DNMT3A: variants seen among roughly 807,000 people sequenced by gnomAD.
DNMT3A encodes the protein DNA (cytosine-5)-methyltransferase 3A.
In DNMT3A, 267 loss-of-function variants were observed where a neutral mutation model predicts 117.6. The observed-to-expected ratio is 2.27, with a 90% CI of 2.05 to 2.51. The LOEUF (loss-of-function observed/expected upper bound fraction) is 2.51. Ranked by LOEUF, DNMT3A falls within the 30% of genes most tolerant of loss-of-function variation. The probability of loss-of-function intolerance (pLI) is 0.00; values close to 1 mark genes in which losing one functional copy is unlikely to be tolerated. For missense variants in DNMT3A, 1,029 were observed against 1,260.2 expected (o/e 0.82, Z 2.78); for synonymous variants, 432 against 474.8 (o/e 0.91, Z 1.17).
rs1274694804 is a variant in DNMT3A at position 25,337,420 on chromosome 2, G to C, written c.-178+4406C>G. On this transcript the variant is annotated intron_variant, in intron 1 of 22. Transcript: ENST00000321117. The surrounding 1 kb of genome is among the most constrained non-coding windows in gnomAD (Gnocchi z 5.0). ...GCTCCTCTAAGGCTGTAACGCACAT[G>C]ATCTCACTCCATCCTCACAACCACC... 6.6e-6 allele frequency among the ~76,000 whole-genome samples: 1 copy of C among 152,298 alleles called. No individual in the cohort carries two copies. The highest frequency in any genetic ancestry group is 2.1e-4 in the South Asian group (1 of 4,824).
chr2:25,341,369 TGGCCGCGGGCTCCAGGCGG>T (rs1476628526), intron 1 of DNMT3A, among the ~76,000 whole-genome samples: 1 of 143,414 alleles, frequency 7.0e-6, no homozygotes, highest in African/African-American at 2.5e-5. Context: ...TCCGGCGCCC[TGGCCGCGGGCTCCAGGCGG>T]GGCCGCGGGG....
At chr2:25,326,625 T>C (rs992430802) in intron 1 of DNMT3A, among the ~76,000 whole-genome samples, 1 of 152,218 alleles carries the variant, frequency 6.6e-6, no homozygotes, top group Non-Finnish European at 1.5e-5. Context: ...CAGTGTGCTC[T>C]TGTTGGGTTC....
rs2033341400 is a variant in DNMT3A at position 25,300,089 on chromosome 2, C to CGTGTGTGTT, written c.177+41_177+49dup. 9 of 1,584,326 alleles carry CGTGTGTGTT rather than the reference C, an allele frequency of 5.7e-6. No homozygotes were observed. The South Asian group carries it at 1.0e-4, about 18-fold the overall frequency. ...ATCACTGCCATCGACAGGCCAGGCA[C>CGTGTGTGTT]GTGTGTGTTGTGTGTGTGCACAGGA... On this transcript the variant is annotated intron_variant, in intron 3 of 22. Coordinates refer to ENST00000321117, the MANE Select transcript of DNMT3A (RefSeq NM_022552.5).
At chr2:25,312,369 C>T (rs968029869) in intron 2 of DNMT3A, among the ~76,000 whole-genome samples, 2 of 152,244 alleles carry the variant, frequency 1.3e-5, no homozygotes, top group Non-Finnish European at 2.9e-5. Context: ...CCTGATCGGT[C>T]GCCCCGGGCG....
At chr2:25,328,698 G>A (rs1187681352) in intron 1 of DNMT3A, 13 of 518,510 alleles carry the variant, frequency 2.5e-5, no homozygotes, top group Admixed American at 2.1e-4. Context: ...GTGCTGCGGT[G>A]CCTAGAGCGA....
chr2:25,270,311 C>T lies in DNMT3A; in HGVS notation c.639+4630G>A, dbSNP rs893528554. On this transcript the variant is annotated intron_variant, in intron 6 of 22. Coordinates refer to ENST00000321117, the MANE Select transcript of DNMT3A (RefSeq NM_022552.5). ...TGCGTAGATGACCCCAGGCAGCATT[C>T]GTCTACGCCCCATTCAGGGCAGCTC... Among the ~76,000 whole-genome samples, 41 of 152,294 alleles carry T rather than the reference C, an allele frequency of 2.7e-4. 1 individual carries two copies. The highest frequency in any genetic ancestry group is 7.2e-4 in the African/African-American group (30 of 41,562).
At chr2:25,249,603 AT>A in intron 6 of DNMT3A, 1 of 1,609,444 alleles carries the variant, frequency 6.2e-7, no homozygotes, top group Non-Finnish European at 8.5e-7. Context: ...CCACCAACAA[AT>A]TAATAAGCCA....
rs777807608 is a variant in DNMT3A, at chr2:25,247,541, G to A, written c.1014+50C>T. 1.9e-6 allele frequency: 3 copies of A among 1,596,778 alleles called. No individual in the cohort carries two copies. The highest frequency in any genetic ancestry group is 2.6e-6 in the Non-Finnish European group (3 of 1,169,806). ...CCCCAGCCAAAACCACAGGCCCTGG[G>A]ATCAAGAACCTTCCCCCACCCCAGG... On this transcript the variant is annotated intron_variant, in intron 8 of 22. Coordinates refer to ENST00000321117, the MANE Select transcript of DNMT3A (RefSeq NM_022552.5). The surrounding 1 kb of genome is among the most constrained non-coding windows in gnomAD (Gnocchi z 5.6).
At chr2:25,328,582 TC>T (rs1230008609) in intron 1 of DNMT3A, 6 of 465,332 alleles carry the variant, frequency 1.3e-5, no homozygotes, top group Admixed American at 2.4e-5. Flanking sequence ...TTGCTGCCCG[TC>T]CCCCCCGCCC....
intron 20 of DNMT3A, among the ~76,000 whole-genome samples, chr2:25,238,470 G>C (rs905527924): frequency 2.0e-5 from 3 of 152,118 alleles, no homozygotes; most frequent in African/African-American, 7.2e-5. Context: ...CTCCACAATG[G>C]ACAGGGACTG....
rs1391622101 is a variant in DNMT3A, at chr2:25,304,166, A to G, written c.73-3923T>C. The stretch of plus-strand genomic sequence containing the variant: ...CGTCCACACTTCCAGCGCAGAGGGG[A>G]GGGGGTGGAAATTCCAGACACGTAG... On this transcript the variant is annotated intron_variant, in intron 2 of 22. Coordinates refer to ENST00000321117, the MANE Select transcript of DNMT3A (RefSeq NM_022552.5). This position sits in a 1 kb window ranked among gnomAD's most constrained non-coding sequence, Gnocchi z 4.3. Among the ~76,000 whole-genome samples the G allele has an allele frequency of 6.6e-6, 1 of 151,442 alleles. No homozygotes were observed. Among genetic ancestry groups the G allele is most frequent in the African/African-American group, 2.4e-5 (1 of 41,266 alleles).
At chr2:25,300,731 A>T (rs1232374929) in intron 2 of DNMT3A, among the ~76,000 whole-genome samples, 1 of 31,766 alleles carries the variant, frequency 3.1e-5, no homozygotes, top group African/African-American at 1.3e-4. Flanking sequence ...ATATATATAT[A>T]TATATATATA....
intron 2 of DNMT3A, among the ~76,000 whole-genome samples, chr2:25,310,710 A>G (rs765982152): frequency 1.3e-5 from 2 of 152,202 alleles, no homozygotes; most frequent in African/African-American, 2.4e-5. Flanking sequence ...GGGGATTCAC[A>G]TGGAAGAAAA....
At chr2:25,241,490 G>A (rs940690826) in intron 17 of DNMT3A, 72 bp downstream of exon 17, 1 of 1,535,230 alleles carries the variant, frequency 6.5e-7, no homozygotes, top group African/African-American at 1.4e-5. Context: ...AATGAAAGGA[G>A]GCAAGGGCTG....
chr2:25,259,598 G>A lies in DNMT3A; in HGVS notation c.640-11346C>T, dbSNP rs562023390. 1.2e-4 allele frequency among the ~76,000 whole-genome samples: 19 copies of A among 152,304 alleles called. No homozygotes were observed. In the South Asian group the frequency reaches 3.9e-3, roughly 32 times the overall value. ...CATGACAAGTTTGCTTTAGGGACGTGTCGATGCTGTCACTTTGCTTTAGAA... is the reference window on the plus strand; with the variant it reads ...CATGACAAGTTTGCTTTAGGGACGTATCGATGCTGTCACTTTGCTTTAGAA... On this transcript the variant is annotated intron_variant, in intron 6 of 22. Coordinates refer to ENST00000321117, the MANE Select transcript of DNMT3A (RefSeq NM_022552.5).
Position 25,282,348 on chromosome 2 carries a change from A to G in DNMT3A, c.448+93T>C. 1.3e-6 allele frequency: 2 copies of G among 1,534,864 alleles called. No homozygotes were observed. Among genetic ancestry groups the G allele is most frequent in the Non-Finnish European group, 1.8e-6 (2 of 1,136,172 alleles). The stretch of plus-strand genomic sequence containing the variant: ...CAGACCTTTAGCCACGACCCAGACC[A>G]TCCTTCCTGGGACCTGCTGGAGAGC... On this transcript the variant is annotated intron_variant, in intron 4 of 22. Transcript: ENST00000321117. The surrounding 1 kb of genome is among the most constrained non-coding windows in gnomAD (Gnocchi z 5.2).
Position 25,304,168 on chromosome 2 carries a change from G to C in DNMT3A, c.73-3925C>G, listed in dbSNP as rs886615407. 3.9e-5 allele frequency among the ~76,000 whole-genome samples: 6 copies of C among 152,156 alleles called. No homozygotes were observed. The highest frequency in any genetic ancestry group is 1.5e-5 in the Non-Finnish European group (1 of 68,034). On this transcript the variant is annotated intron_variant, in intron 2 of 22. Transcript: ENST00000321117. This position sits in a 1 kb window ranked among gnomAD's most constrained non-coding sequence, Gnocchi z 4.3. Reference sequence around the variant, plus strand: ...TCCACACTTCCAGCGCAGAGGGGAGGGGGTGGAAATTCCAGACACGTAGGC... The same window carrying C: ...TCCACACTTCCAGCGCAGAGGGGAGCGGGTGGAAATTCCAGACACGTAGGC...
intron 2 of DNMT3A, among the ~76,000 whole-genome samples, chr2:25,307,743 G>A (rs2033862266): frequency 6.6e-6 from 1 of 152,180 alleles, no homozygotes; most frequent in South Asian, 2.1e-4. Context: ...TGGGATTCAG[G>A]TGTGAGCCAC....
At chr2:25,280,535 G>T (rs957349451) in intron 4 of DNMT3A, among the ~76,000 whole-genome samples, 5 of 152,072 alleles carry the variant, frequency 3.3e-5, no homozygotes, top group African/African-American at 9.7e-5. Context: ...CCTTCAGCTC[G>T]CGCTGGACAG....
Sources: gnomAD v4.1 joint callset for allele counts (sites outside exome capture counted in the v4.1 genomes callset) on GRCh38, gnomAD v4.1.1 for gene constraint, Gnocchi (gnomAD v3.1) non-coding constraint, MANE v1.5 for transcripts, NCBI Gene and HGNC (gene_info 2026-07-23, HGNC 2026-07-21) for gene names.